The following MEGF11 variants were observed in gnomAD, a reference collection of about 807,000 sequenced individuals.
MEGF11 encodes multiple EGF like domains 11.
MEGF11 carries 126 observed loss-of-function variants against 146.6 expected under a neutral mutation model. The ratio of observed to expected loss-of-function variants is 0.86; its 90% CI spans 0.74 to 1.00. The LOEUF is 1.00. MEGF11 is among the 50% of genes least tolerant of loss of function. The pLI, the probability that MEGF11 is intolerant of heterozygous loss-of-function variation, is 0.00. For synonymous variants in MEGF11, 532 were observed against 583.4 expected (o/e 0.91, Z 1.27); for missense variants, 1,509 against 1,521.2 (o/e 0.99, Z 0.13).
At chr15:66,226,397 G>A (rs987470259) in intron 1 of MEGF11, among the ~76,000 whole-genome samples, 1 of 152,046 alleles carries the variant, frequency 6.6e-6, no homozygotes, top group African/African-American at 2.4e-5. Flanking sequence ...ACAGGCGTGT[G>A]CCACCACGCC....
chr15:65,913,676 C>A (rs2141204250), intron 20 of MEGF11, 61 bp downstream of exon 20: 2 of 1,448,514 alleles, frequency 1.4e-6, no homozygotes, highest in East Asian at 4.9e-5. Context: ...CAGGCACAAC[C>A]ATTCCTGGGG....
chr15:66,200,800 G>C (rs1181342849), intron 1 of MEGF11, among the ~76,000 whole-genome samples: 1 of 152,146 alleles, frequency 6.6e-6, no homozygotes, highest in African/African-American at 2.4e-5. Flanking sequence ...GTATGAGCAA[G>C]CTCACTCTGA....
At chr15:66,006,979 C>G (rs1048288461) in intron 5 of MEGF11, among the ~76,000 whole-genome samples, 2 of 152,230 alleles carry the variant, frequency 1.3e-5, no homozygotes, top group African/African-American at 4.8e-5. Context: ...GGGTTTACCT[C>G]ACCACATTCT....
chr15:65,948,866 C>T (rs2080292230), intron 10 of MEGF11, among the ~76,000 whole-genome samples: 1 of 152,086 alleles, frequency 6.6e-6, no homozygotes, highest in Non-Finnish European at 1.5e-5. Flanking sequence ...ATGATCATTT[C>T]TGCTATTTTG....
At chr15:65,909,933 G>A in intron 21 of MEGF11, 127 bp from the exon 22 acceptor site, 1 of 803,650 alleles carries the variant, frequency 1.2e-6, no homozygotes, top group Non-Finnish European at 2.1e-6. Flanking sequence ...CTAGGCCGTT[G>A]AGAGAAAGGG....
chr15:66,078,084 G>T (rs1176911365), intron 5 of MEGF11, among the ~76,000 whole-genome samples: 1 of 152,160 alleles, frequency 6.6e-6, no homozygotes, highest in Non-Finnish European at 1.5e-5. Flanking sequence ...AGTTTCAAGG[G>T]TGGTCTCCAG....
intron 5 of MEGF11, among the ~76,000 whole-genome samples, chr15:66,045,163 G>A (rs562956051): frequency 3.9e-5 from 6 of 152,204 alleles, no homozygotes; most frequent in Non-Finnish European, 7.3e-5. Context: ...TTCCCAGGGC[G>A]GTTGGCCTTC....
chr15:65,952,049 A>G (rs1170246670), intron 10 of MEGF11, among the ~76,000 whole-genome samples: 1 of 152,108 alleles, frequency 6.6e-6, no homozygotes, highest in African/African-American at 2.4e-5. Context: ...CATTCACATA[A>G]ATTTTATAGC....
At chr15:66,230,224 CT>C (rs1475236313) in intron 1 of MEGF11, among the ~76,000 whole-genome samples, 1 of 152,182 alleles carries the variant, frequency 6.6e-6, no homozygotes, top group Admixed American at 6.5e-5. Context: ...CTGCCTCCTG[CT>C]TCTCTCCTTC....
intron 5 of MEGF11, among the ~76,000 whole-genome samples, chr15:66,067,798 T>C (rs2085196819): frequency 6.6e-6 from 1 of 152,172 alleles, no homozygotes; most frequent in Non-Finnish European, 1.5e-5. Context: ...TACTGGCTGG[T>C]TTATAGTCAT....
intron 1 of MEGF11, among the ~76,000 whole-genome samples, chr15:66,193,833 C>T (rs1305613798): frequency 6.6e-6 from 1 of 151,918 alleles, no homozygotes; most frequent in African/African-American, 2.4e-5. Flanking sequence ...ATATTGCTTT[C>T]CTGGAGGACT....
chr15:65,919,822 G>A (rs1025979884), intron 15 of MEGF11, among the ~76,000 whole-genome samples: 2 of 152,162 alleles, frequency 1.3e-5, no homozygotes, highest in African/African-American at 4.8e-5. Context: ...GTTTCACCAT[G>A]TTGGCCAGGC....
At chr15:66,074,308 A>G (rs923538715) in intron 5 of MEGF11, among the ~76,000 whole-genome samples, 27 of 152,218 alleles carry the variant, frequency 1.8e-4, no homozygotes, top group African/African-American at 6.5e-4. Context: ...TTTTCACTCA[A>G]TATGATATAT....
At chr15:66,142,718 G>A (rs529487568) in intron 1 of MEGF11, among the ~76,000 whole-genome samples, 1 of 152,218 alleles carries the variant, frequency 6.6e-6, no homozygotes, top group African/African-American at 2.4e-5. Flanking sequence ...ACAGAAGTGG[G>A]TCTCTTGCCC....
chr15:66,215,765 A>G (rs147439722), intron 1 of MEGF11, among the ~76,000 whole-genome samples: 244 of 152,316 alleles, frequency 1.6e-3, no homozygotes, highest in African/African-American at 5.8e-3. Flanking sequence ...ACACCAGGCC[A>G]CAGTCTCCAC....
At chr15:66,248,510 A>G (rs1169938384) in intron 1 of MEGF11, among the ~76,000 whole-genome samples, 1 of 152,202 alleles carries the variant, frequency 6.6e-6, no homozygotes, top group African/African-American at 2.4e-5. Context: ...TATTCAATCT[A>G]TATTTGATTA....
At chr15:66,179,165 C>T (rs1053007787) in intron 1 of MEGF11, among the ~76,000 whole-genome samples, 2 of 152,156 alleles carry the variant, frequency 1.3e-5, no homozygotes, top group Non-Finnish European at 2.9e-5. Flanking sequence ...TGAAGTCTCT[C>T]TCTGTCATCC....
intron 10 of MEGF11, among the ~76,000 whole-genome samples, chr15:65,943,278 C>T (rs1567169055): frequency 6.6e-6 from 1 of 152,134 alleles, no homozygotes; most frequent in Non-Finnish European, 1.5e-5. Flanking sequence ...ACGTTCCACC[C>T]AAACCTTGTC....
chr15:65,961,217 G>T (rs1408785616), intron 9 of MEGF11, among the ~76,000 whole-genome samples: 2 of 152,114 alleles, frequency 1.3e-5, no homozygotes, highest in Non-Finnish European at 2.9e-5. Context: ...TGGCAGGCCA[G>T]GGACTGCTGT....
Sources: gnomAD v4.1 joint callset for allele counts (sites outside exome capture counted in the v4.1 genomes callset) on GRCh38, gnomAD v4.1.1 for gene constraint, MANE v1.5 for transcripts, NCBI Gene and HGNC (gene_info 2026-07-23, HGNC 2026-07-21) for gene names.